The following NLGN1 variants were observed in gnomAD, a reference collection of about 807,000 sequenced individuals.
The protein encoded by NLGN1 is neuroligin-1.
A neutral mutation model predicts 65.5 loss-of-function variants in NLGN1; 12 were observed. The ratio of observed to expected loss-of-function variants is 0.18; its 90% CI spans 0.12 to 0.30. The LOEUF (loss-of-function observed/expected upper bound fraction) is 0.30. NLGN1 is among the 10% of genes least tolerant of loss of function. NLGN1 has a pLI of 1.00. For synonymous variants in NLGN1, 350 were observed against 359.5 expected, an observed-to-expected ratio of 0.97 and a Z score of 0.30; for missense variants, 750 against 1,007.1, an observed-to-expected ratio of 0.74 and a Z score of 3.46.
At chr3:174,161,769 C>A (rs903625285) in intron 4 of NLGN1, among the ~76,000 whole-genome samples, 3 of 151,848 alleles carry the variant, frequency 2.0e-5, no homozygotes, top group African/African-American at 7.3e-5. Flanking sequence ...TTAATACTAT[C>A]CACGGGGTCT....
At chr3:173,608,387 C>T (rs919881653) in intron 3 of NLGN1, among the ~76,000 whole-genome samples, 1 of 151,826 alleles carries the variant, frequency 6.6e-6, no homozygotes, top group Non-Finnish European at 1.5e-5. Context: ...ATTTTCAACA[C>T]TTGAACAAAC....
intron 2 of NLGN1, among the ~76,000 whole-genome samples, chr3:173,544,203 G>GA (rs1054402064): frequency 8.1e-5 from 12 of 148,794 alleles, no homozygotes; most frequent in Admixed American, 7.4e-4. Flanking sequence ...AAAAGAAAAA[G>GA]AAAAAAAAGG....
At chr3:173,627,147 C>A (rs113618418) in intron 3 of NLGN1, among the ~76,000 whole-genome samples, 104 of 152,090 alleles carry the variant, frequency 6.8e-4, no homozygotes, top group Non-Finnish European at 9.0e-4. Flanking sequence ...GTATAATTGA[C>A]AAACAAAATT....
intron 2 of NLGN1, among the ~76,000 whole-genome samples, chr3:173,544,632 T>C (rs1021016861): frequency 1.1e-4 from 16 of 151,726 alleles, no homozygotes; most frequent in Admixed American, 1.1e-3. Flanking sequence ...GATATCCAAA[T>C]AGAAATGAAA....
chr3:173,736,868 A>G (rs1773856858), intron 3 of NLGN1, among the ~76,000 whole-genome samples: 1 of 152,062 alleles, frequency 6.6e-6, no homozygotes, highest in Non-Finnish European at 1.5e-5. Flanking sequence ...AAAACTATAT[A>G]CATTTGCATA....
intron 3 of NLGN1, 128 bp downstream of exon 3, chr3:173,605,721 G>T: frequency 2.4e-6 from 1 of 424,746 alleles, no homozygotes; most frequent in Admixed American, 2.9e-5. Flanking sequence ...ATCTGATGAA[G>T]GCTGTCAAGG....
chr3:174,077,899 A>T (rs548189102), intron 4 of NLGN1, among the ~76,000 whole-genome samples: 115 of 152,230 alleles, frequency 7.6e-4, no homozygotes, highest in Non-Finnish European at 1.4e-3. Flanking sequence ...GGCACATTTG[A>T]TCTTTATAGG....
chr3:174,063,866 C>A (rs1223689753), intron 4 of NLGN1, among the ~76,000 whole-genome samples: 5 of 152,018 alleles, frequency 3.3e-5, no homozygotes, highest in African/African-American at 1.2e-4. Flanking sequence ...AAAGGAAAAG[C>A]AGATCCTAAA....
At chr3:174,102,598 C>A (rs114985480) in intron 4 of NLGN1, among the ~76,000 whole-genome samples, 221 of 152,206 alleles carry the variant, frequency 1.5e-3, no homozygotes, top group African/African-American at 5.2e-3. Context: ...AAAAACTCTT[C>A]TGGTTAAAAA....
rs1374786726 is a variant in NLGN1 at position 173,849,025 on chromosome 3, A to T, written c.646+41193A>T. ...GAGACTCCATAACCTTCTAAAATCC[A>T]TCAGATATGTAGGATATAGCCAATG... On this transcript the variant is annotated intron_variant, in intron 4 of 6. Transcript: ENST00000457714. Among the ~76,000 whole-genome samples the T allele has an allele frequency of 2.0e-5, 3 of 152,160 alleles. No individual in the cohort carries two copies. In the South Asian group the frequency reaches 6.2e-4, roughly 31 times the overall value.
intron 4 of NLGN1, among the ~76,000 whole-genome samples, chr3:173,942,084 A>G (rs975572111): frequency 2.0e-5 from 3 of 147,522 alleles, no homozygotes; most frequent in African/African-American, 7.6e-5. Context: ...GGGAAACATC[A>G]TGGTCAGGAA....
chr3:173,822,207 A>G (rs1182813218), intron 4 of NLGN1, among the ~76,000 whole-genome samples: 1 of 152,144 alleles, frequency 6.6e-6, no homozygotes, highest in Admixed American at 6.5e-5. Context: ...TGTGTAGTTT[A>G]ATTTTATTTA....
At chr3:174,165,682 G>A (rs563742950) in intron 4 of NLGN1, among the ~76,000 whole-genome samples, 4 of 152,162 alleles carry the variant, frequency 2.6e-5, no homozygotes, top group South Asian at 4.1e-4. Flanking sequence ...GTCTTTGCAA[G>A]CTTTGGTATC....
intron 3 of NLGN1, among the ~76,000 whole-genome samples, chr3:173,608,888 T>C (rs1033954566): frequency 3.9e-5 from 6 of 151,976 alleles, no homozygotes; most frequent in Admixed American, 6.6e-5. Context: ...TCCAAAAATA[T>C]ATTCAGTAAT....
At chr3:173,463,232 A>G (rs1723703478) in intron 2 of NLGN1, among the ~76,000 whole-genome samples, 1 of 152,228 alleles carries the variant, frequency 6.6e-6, no homozygotes, top group African/African-American at 2.4e-5. Context: ...AATTCAAACT[A>G]TACTTTCCCT....
intron 2 of NLGN1, among the ~76,000 whole-genome samples, chr3:173,489,232 C>A (rs561814783): frequency 6.6e-6 from 1 of 152,034 alleles, no homozygotes; most frequent in African/African-American, 2.4e-5. Context: ...TATCCCTCCC[C>A]CTTACCCCCA....
chr3:173,505,389 C>T (rs1682779180), intron 2 of NLGN1, among the ~76,000 whole-genome samples: 1 of 152,108 alleles, frequency 6.6e-6, no homozygotes, highest in African/African-American at 2.4e-5. Context: ...CATAGATCTA[C>T]ATCATGCCAG....
chr3:173,896,979 A>G (rs2152149634), intron 4 of NLGN1, among the ~76,000 whole-genome samples: 1 of 152,266 alleles, frequency 6.6e-6, no homozygotes, highest in Admixed American at 6.5e-5. Context: ...ACATCCCTCA[A>G]CACCTCACTA....
intron 1 of NLGN1, among the ~76,000 whole-genome samples, chr3:173,411,296 G>A (rs1448378170): frequency 1.3e-5 from 2 of 152,178 alleles, no homozygotes; most frequent in Admixed American, 1.3e-4. Context: ...CTGTGAGTAG[G>A]ACTTACATTG....
Sources: allele counts gnomAD v4.1 joint callset (sites outside exome capture counted in the v4.1 genomes callset), GRCh38; gene constraint gnomAD v4.1.1; transcripts MANE v1.5; gene names NCBI Gene and HGNC (gene_info 2026-07-23, HGNC 2026-07-21).